The following SEC31A variants were observed in gnomAD, a reference collection of about 807,000 sequenced individuals.
The protein encoded by SEC31A is SEC31 homolog A, COPII component.
SEC31A carries 70 observed loss-of-function variants against 151.0 expected under a neutral mutation model. The ratio of observed to expected loss-of-function variants is 0.46; its 90% CI spans 0.38 to 0.57. The LOEUF (loss-of-function observed/expected upper bound fraction) is 0.57. SEC31A is among the 20% of genes least tolerant of loss of function. The pLI is 0.00. For missense variants in SEC31A, 1,330 were observed against 1,471.2 expected (o/e 0.90, Z 1.57); for synonymous variants, 475 against 505.9 (o/e 0.94, Z 0.82).
At chr4:82,869,397 T>C (rs534690173) in intron 8 of SEC31A, among the ~76,000 whole-genome samples, 3 of 152,166 alleles carry the variant, frequency 2.0e-5, no homozygotes, top group African/African-American at 7.2e-5. Context: ...CCCAAAGTGC[T>C]GGGATTACAG....
At chr4:82,896,998 C>T (rs1423497687) in intron 3 of SEC31A, among the ~76,000 whole-genome samples, 1 of 152,188 alleles carries the variant, frequency 6.6e-6, no homozygotes, top group Non-Finnish European at 1.5e-5. Context: ...CCTTGTCAAG[C>T]AATCAGAATG....
At chr4:82,835,931 T>C (rs1179721187) in intron 22 of SEC31A, among the ~76,000 whole-genome samples, 1 of 152,142 alleles carries the variant, frequency 6.6e-6, no homozygotes, top group Admixed American at 6.5e-5. Context: ...AACACAAGTA[T>C]TGGCATGGAT....
In SEC31A at chr4:82,888,350, CAAAAA is replaced by C. The variant is rs1177774222; in HGVS notation, c.-5+2733_-5+2737del. On this transcript the variant is annotated intron_variant, in intron 1 of 26. Transcript: ENST00000395310. ...TGGGAGACAGAGCGAGACTCCGTCT[CAAAAA>C]AAAAAAAAAAAAAAAAAACACACAA... Among the ~76,000 whole-genome samples, 10 of 26,168 alleles carry C rather than the reference CAAAAA, an allele frequency of 3.8e-4. No individual in the cohort carries two copies. In the South Asian group the frequency reaches 5.2e-3, roughly 14 times the overall value. 17.2% of individuals were successfully genotyped at this position (26,168 alleles called of 152,430 possible).
chr4:82,880,014 A>G (rs1356311853), intron 3 of SEC31A, among the ~76,000 whole-genome samples: 1 of 152,108 alleles, frequency 6.6e-6, no homozygotes, highest in Non-Finnish European at 1.5e-5. Flanking sequence ...AGGAGATAGA[A>G]AAAAGAACTC....
chr4:82,869,964 G>C (rs908100682), intron 8 of SEC31A, among the ~76,000 whole-genome samples: 1 of 152,114 alleles, frequency 6.6e-6, no homozygotes, highest in Non-Finnish European at 1.5e-5. Context: ...CCTCAGGAAC[G>C]GTAAAGCAGG....
intron 15 of SEC31A, 29 bp from the exon 16 acceptor site, chr4:82,857,159 T>C (rs1362712540): frequency 6.3e-7 from 1 of 1,594,706 alleles, no homozygotes; most frequent in East Asian, 2.2e-5. Context: ...ACATCCAAGT[T>C]AAATAGAGTT....
At chr4:82,890,194 T>TC (rs1392379197) in intron 1 of SEC31A, among the ~76,000 whole-genome samples, 1 of 92,894 alleles carries the variant, frequency 1.1e-5, no homozygotes, top group Non-Finnish European at 1.9e-5. Context: ...AGAGCGAGAC[T>TC]CCGTCTCAAA....
intron 1 of SEC31A, among the ~76,000 whole-genome samples, chr4:82,886,666 C>A (rs755622464): frequency 6.6e-6 from 1 of 152,184 alleles, no homozygotes; most frequent in Non-Finnish European, 1.5e-5. Flanking sequence ...ATAATAAATT[C>A]AAGTTCCAGC....
chr4:82,877,006 G>A (rs1738117833), intron 4 of SEC31A, among the ~76,000 whole-genome samples: 1 of 152,208 alleles, frequency 6.6e-6, no homozygotes, highest in Non-Finnish European at 1.5e-5. Context: ...GGGAGGCTGA[G>A]GCAGACAGAC....
In SEC31A at chr4:82,818,904, C is replaced by CAA. The variant is rs1722754869; in HGVS notation, c.*169_*170insTT. The CAA allele has an allele frequency of 2.4e-6, 1 of 422,180 alleles. No homozygotes were observed. The highest frequency in any genetic ancestry group is 5.0e-4 in the Middle Eastern group (1 of 1,994). The allele number at this position is 422,180 out of a possible 1,614,324, so 26.2% of individuals were successfully genotyped here. On this transcript the variant is annotated 3_prime_UTR_variant, in exon 27 of 27. Transcript: ENST00000395310. Reference sequence around the variant, plus strand: ...AAAGATTAAAACAAAAATAAAGCACCAGGGTTCTGAGCAGTTCTAAGGTGA... The same window carrying CAA: ...AAAGATTAAAACAAAAATAAAGCACCAAAGGGTTCTGAGCAGTTCTAAGGTGA...
chr4:82,855,914 T>A (rs1427065600), intron 16 of SEC31A, among the ~76,000 whole-genome samples: 2 of 152,194 alleles, frequency 1.3e-5, no homozygotes, highest in African/African-American at 4.8e-5. Flanking sequence ...TTGTTAGATA[T>A]AACAAACCTG....
Position 82,864,404 on chromosome 4 carries a change from A to C in SEC31A, c.1392T>G (p.Ala464=). Reference sequence around the variant, plus strand: ...CATTTTTCTCAAATTCAGTCTGAGAAGCATCAATTTTTTTTTGGCAATAAT... The same window carrying C: ...CATTTTTCTCAAATTCAGTCTGAGACGCATCAATTTTTTTTTGGCAATAAT... ...FINYCQKKID[A]SQTEFEKNVW... Residue 464 remains alanine (A), a synonymous_variant, in exon 11 of 27, where the codon GCT becomes GCG. Coordinates refer to ENST00000395310, the MANE Select transcript of SEC31A (RefSeq NM_001077207.4). The C allele has an allele frequency of 6.2e-7, 1 of 1,614,166 alleles. No individual in the cohort carries two copies. Among genetic ancestry groups the C allele is most frequent in the Non-Finnish European group, 8.5e-7 (1 of 1,179,980 alleles).
chr4:82,818,947 G>T lies in SEC31A; in HGVS notation c.*127C>A. 1 of 662,788 alleles carries T rather than the reference G, an allele frequency of 1.5e-6. No homozygotes were observed. Among genetic ancestry groups the T allele is most frequent in the Non-Finnish European group, 2.4e-6 (1 of 409,754 alleles). 41.1% of individuals were successfully genotyped at this position (662,788 alleles called of 1,614,324 possible). A position where few individuals can be genotyped will look rare whatever the true frequency, so the allele number is the denominator to read the frequency against. On this transcript the variant is annotated 3_prime_UTR_variant, in exon 27 of 27. Coordinates refer to ENST00000395310, the MANE Select transcript of SEC31A (RefSeq NM_001077207.4). ...TAAGGTGAGTATATCAGCAGAAATA[G>T]TGTAAATGCTCTTGACTGGTTGCTA...
chr4:82,833,051 C>T (rs80275378), intron 22 of SEC31A, among the ~76,000 whole-genome samples: 31,497 of 152,152 alleles, frequency 0.21, 3,370 homozygotes, highest in South Asian at 0.34. Context: ...CATCCCATTA[C>T]TGGGCATATA....
At chr4:82,863,252 T>C (rs182236385) in intron 12 of SEC31A, 66 bp downstream of exon 12, 14 of 929,148 alleles carry the variant, frequency 1.5e-5, no homozygotes, top group Non-Finnish European at 2.0e-5. Flanking sequence ...ATAATCTGTG[T>C]AGAACTTTAT....
At chr4:82,873,621 C>G (rs1431948200) in intron 6 of SEC31A, among the ~76,000 whole-genome samples, 1 of 152,108 alleles carries the variant, frequency 6.6e-6, no homozygotes, top group Non-Finnish European at 1.5e-5. Flanking sequence ...CACTTGAAAA[C>G]AATACTCTGA....
At position 82,857,781 on chromosome 4, in the gene SEC31A, AG is replaced by A; in HGVS notation, c.1627-18del. The A allele has an allele frequency of 6.6e-7, 1 of 1,506,480 alleles. No homozygotes were observed. Among genetic ancestry groups the A allele is most frequent in the Non-Finnish European group, 9.2e-7 (1 of 1,089,186 alleles). 93.3% of individuals were successfully genotyped at this position (1,506,480 alleles called of 1,614,324 possible). The stretch of plus-strand genomic sequence containing the variant: ...TTTAATGTGCTAAAGAGATGAAAAA[AG>A]CAACAATTTAGCCAGAATAAAACTG... On this transcript the variant is annotated intron_variant, in intron 14 of 26. Coordinates refer to ENST00000395310, the MANE Select transcript of SEC31A (RefSeq NM_001077207.4).
At chr4:82,856,377 C>T (rs1732653042) in intron 16 of SEC31A, among the ~76,000 whole-genome samples, 1 of 151,284 alleles carries the variant, frequency 6.6e-6, no homozygotes, top group African/African-American at 2.4e-5. Context: ...TCTTGAACTC[C>T]TGACCTCGTG....
At chr4:82,891,773 A>G (rs900708344), upstream of SEC31A, among the ~76,000 whole-genome samples, 2 of 152,216 alleles carry the variant, frequency 1.3e-5, no homozygotes, top group African/African-American at 2.4e-5. Flanking sequence ...ATCCCATGGT[A>G]TTGAGACCCG....
Sources: gnomAD v4.1 joint callset for allele counts (sites outside exome capture counted in the v4.1 genomes callset) on GRCh38, gnomAD v4.1.1 for gene constraint, MANE v1.5 for transcripts, NCBI Gene and HGNC (gene_info 2026-07-23, HGNC 2026-07-21) for gene names.